ANKRD30A: variants seen among roughly 807,000 people sequenced by gnomAD.
The protein encoded by ANKRD30A is ankyrin repeat domain-containing protein 30A.
A neutral mutation model predicts 166.3 loss-of-function variants in ANKRD30A; 170 were observed. The observed-to-expected ratio is 1.02, with a 90% CI of 0.90 to 1.16. The LOEUF (loss-of-function observed/expected upper bound fraction) is 1.16, where lower values mean the gene tolerates loss of function less well. ANKRD30A is among the 50% of genes most tolerant of loss of function. The pLI is 0.00. For missense variants in ANKRD30A, 1,630 were observed against 1,518.0 expected (o/e 1.07, Z -1.23); for synonymous variants, 564 against 508.9 (o/e 1.11, Z -1.46).
At chr10:37,189,388 A>C in intron 24 of ANKRD30A, 79 bp from the exon 25 acceptor site, 1 of 400,862 alleles carries the variant, frequency 2.5e-6, no homozygotes, top group Non-Finnish European at 4.4e-6. Context: ...TTTAAAAAAG[A>C]ATTTAATTAG....
chr10:37,150,760 T>C (rs561882086), intron 11 of ANKRD30A, among the ~76,000 whole-genome samples: 5 of 152,130 alleles, frequency 3.3e-5, no homozygotes, highest in Non-Finnish European at 5.9e-5. Flanking sequence ...TTTATGCTGA[T>C]AAGTAATAAA....
chr10:37,195,207 A>G (rs1488229200), intron 27 of ANKRD30A, among the ~76,000 whole-genome samples: 1 of 152,216 alleles, frequency 6.6e-6, no homozygotes, highest in East Asian at 1.9e-4. Context: ...GCTCTTGTAT[A>G]TGAAATAATG....
chr10:37,143,735 A>G (rs1326884817), intron 7 of ANKRD30A, among the ~76,000 whole-genome samples: 1 of 148,344 alleles, frequency 6.7e-6, no homozygotes, highest in Non-Finnish European at 1.5e-5. Flanking sequence ...GCAGTCATAG[A>G]TAATGTGTGA....
At chr10:37,153,940 C>T (rs17590392) in intron 13 of ANKRD30A, among the ~76,000 whole-genome samples, 3 of 152,054 alleles carry the variant, frequency 2.0e-5, no homozygotes, top group Non-Finnish European at 4.4e-5. Context: ...AATAGAGTAA[C>T]TGAAGACTGA....
Position 37,136,620 on chromosome 10 carries a change from AT to A in ANKRD30A, c.771del (p.Met258TrpfsTer139). 1 of 1,389,862 alleles carries A rather than the reference AT, an allele frequency of 7.2e-7. No individual in the cohort carries two copies. Among genetic ancestry groups the A allele is most frequent in the Non-Finnish European group, 9.9e-7 (1 of 1,009,504 alleles). 86.1% of individuals were successfully genotyped at this position (1,389,862 alleles called of 1,614,324 possible). ...TTTTATACATAGCATTCATGAACAA[AT>A]TATGGAATATATACGAAAATTATCT... The part of the protein sequence containing the change: ...TCGFHHIHEQ[I>X]MEYIRKLSKN... On this transcript the variant is annotated frameshift_variant, in exon 6 of 36. Transcript: ENST00000361713. LOFTEE classifies it high-confidence loss of function.
intron 34 of ANKRD30A, among the ~76,000 whole-genome samples, chr10:37,221,345 A>T (rs564472198): frequency 6.6e-6 from 1 of 151,262 alleles, no homozygotes; most frequent in Non-Finnish European, 1.5e-5. Flanking sequence ...GACAACTTCA[A>T]AAAAACTTGG....
intron 6 of ANKRD30A, among the ~76,000 whole-genome samples, chr10:37,137,775 C>T (rs1343614919): frequency 6.6e-6 from 1 of 152,164 alleles, no homozygotes; most frequent in Non-Finnish European, 1.5e-5. Flanking sequence ...GCCTGCCTGC[C>T]TCTGTAGACT....
rs1233068399 is a variant in ANKRD30A, at chr10:37,166,604, G to A, written c.2065-1G>A. 8.3e-6 allele frequency: 13 copies of A among 1,571,624 alleles called. No individual in the cohort carries two copies. The highest frequency in any genetic ancestry group is 1.1e-5 in the Non-Finnish European group (13 of 1,159,972). On this transcript the variant is annotated splice_acceptor_variant, in intron 18 of 35. Coordinates refer to ENST00000361713, the MANE Select transcript of ANKRD30A (RefSeq NM_052997.3). LOFTEE classifies it high-confidence loss of function. ...TTATTTATTGCTATTACTTTTAACAGAGTCTCTGTGAGACTGTTTCACAGA... is the reference window on the plus strand; with the variant it reads ...TTATTTATTGCTATTACTTTTAACAAAGTCTCTGTGAGACTGTTTCACAGA...
intron 18 of ANKRD30A, among the ~76,000 whole-genome samples, chr10:37,166,142 T>A (rs1479671652): frequency 6.6e-6 from 1 of 152,148 alleles, no homozygotes; most frequent in Non-Finnish European, 1.5e-5. Flanking sequence ...ACTCTAAAAG[T>A]TCTCATCATG....
At chr10:37,206,505 G>A (rs1407892349) in intron 31 of ANKRD30A, among the ~76,000 whole-genome samples, 1 of 152,072 alleles carries the variant, frequency 6.6e-6, no homozygotes, top group African/African-American at 2.4e-5. Context: ...AAATCTGTTA[G>A]AAGGCTGGGC....
At chr10:37,136,837 A>G (rs1564470596) in intron 6 of ANKRD30A, among the ~76,000 whole-genome samples, 166 bp downstream of exon 6, 1 of 150,472 alleles carries the variant, frequency 6.6e-6, no homozygotes, top group Non-Finnish European at 1.5e-5. Context: ...GTGTGTATAT[A>G]TATATATATA....
At chr10:37,216,495 A>G in intron 32 of ANKRD30A, 101 bp downstream of exon 32, 2 of 1,147,474 alleles carry the variant, frequency 1.7e-6, no homozygotes, top group East Asian at 5.1e-5. Flanking sequence ...GTTTTACTGG[A>G]GAAAAAAATG....
At position 37,219,453 on chromosome 10, in the gene ANKRD30A, G is replaced by A. The variant is rs757112434; in HGVS notation, c.3741G>A (p.Glu1247=). 3.1e-6 allele frequency: 5 copies of A among 1,610,186 alleles called. No individual in the cohort carries two copies. Among genetic ancestry groups the A allele is most frequent in the Non-Finnish European group, 4.2e-6 (5 of 1,177,612 alleles). The change falls in exon 34 of 36, where the codon GAG becomes GAA. Residue 1247 remains glutamate, a synonymous_variant. Coordinates refer to ENST00000361713, the MANE Select transcript of ANKRD30A (RefSeq NM_052997.3). ...VDVSSTIYNN[E]VLHQPLSEAQ... ...TGAGTAGTACGATATATAACAATGA[G>A]GTGCTCCATCAACCACTTTCTGAAG...
chr10:37,140,968 T>TA (rs1477111722), intron 6 of ANKRD30A, among the ~76,000 whole-genome samples: 2 of 152,108 alleles, frequency 1.3e-5, no homozygotes, highest in Non-Finnish European at 2.9e-5. Context: ...CAGAATTTCG[T>TA]AAAAAATGTT....
chr10:37,191,090 T>C (rs1310694476), intron 25 of ANKRD30A, among the ~76,000 whole-genome samples: 1 of 151,890 alleles, frequency 6.6e-6, no homozygotes, highest in Non-Finnish European at 1.5e-5. Flanking sequence ...AAAATGTTAT[T>C]AATATTTAAA....
At chr10:37,167,673 A>T (rs1839468306) in intron 19 of ANKRD30A, among the ~76,000 whole-genome samples, 1 of 151,894 alleles carries the variant, frequency 6.6e-6, no homozygotes, top group Non-Finnish European at 1.5e-5. Context: ...GTGGATTAAG[A>T]GATATTGAGA....
At chr10:37,152,762 G>A (rs1036435218) in intron 12 of ANKRD30A, among the ~76,000 whole-genome samples, 2 of 152,068 alleles carry the variant, frequency 1.3e-5, no homozygotes, top group African/African-American at 4.8e-5. Flanking sequence ...GCAGCAGCAT[G>A]AGCGTCAAAT....
chr10:37,142,876 C>T (rs956386198), intron 7 of ANKRD30A, among the ~76,000 whole-genome samples: 1 of 152,062 alleles, frequency 6.6e-6, no homozygotes, highest in African/African-American at 2.4e-5. Flanking sequence ...AACCACTGTG[C>T]CCAGCCAGGA....
intron 31 of ANKRD30A, among the ~76,000 whole-genome samples, chr10:37,202,665 C>T (rs1841719043): frequency 6.6e-6 from 1 of 152,056 alleles, no homozygotes; most frequent in African/African-American, 2.4e-5. Context: ...GATAGAGACA[C>T]AAAAAATCCT....
Sources: allele counts gnomAD v4.1 joint callset (sites outside exome capture counted in the v4.1 genomes callset), GRCh38; gene constraint gnomAD v4.1.1; transcripts MANE v1.5; gene names NCBI Gene and HGNC (gene_info 2026-07-23, HGNC 2026-07-21).